Variants in GADL1 observed in about 807,000 individuals in gnomAD.
GADL1 encodes the protein acidic amino acid decarboxylase GADL1.
In GADL1, 71 loss-of-function variants were observed where a neutral mutation model predicts 69.5. The observed-to-expected ratio is 1.02, with a 90% CI of 0.84 to 1.25. The LOEUF (loss-of-function observed/expected upper bound fraction) is 1.25. Among genes scored for constraint, GADL1 ranks in the 50% most tolerant of loss-of-function variants. The pLI is 0.00. For synonymous variants in GADL1, 254 were observed against 214.4 expected, an observed-to-expected ratio of 1.18 and a Z score of -1.62; for missense variants, 737 against 631.8, an observed-to-expected ratio of 1.17 and a Z score of -1.79.
At position 30,752,848 on chromosome 3, in the gene GADL1, A is replaced by G. The variant is rs116310804; in HGVS notation, c.1393-24433T>C. ...GTTTTCTATTTAAGTTAACAAGATA[A>G]TTAAGTTCTCAAATAACTAAAAGTG... On this transcript the variant is annotated intron_variant, in intron 14 of 14. Coordinates refer to ENST00000282538, the MANE Select transcript of GADL1 (RefSeq NM_207359.3). Among the ~76,000 whole-genome samples, 754 of 93,458 alleles carry G rather than the reference A, an allele frequency of 8.1e-3. 6 individuals carry two copies. Among genetic ancestry groups the G allele is most frequent in the African/African-American group, 0.021 (716 of 33,738 alleles). The allele number at this position is 93,458 out of a possible 152,430, so 61.3% of individuals were successfully genotyped here.
chr3:30,796,406 A>G (rs1369310178), intron 12 of GADL1, among the ~76,000 whole-genome samples: 1 of 152,176 alleles, frequency 6.6e-6, no homozygotes, highest in Non-Finnish European at 1.5e-5. Flanking sequence ...ATCAGTACAC[A>G]TTCTATAAGA....
intron 1 of GADL1, among the ~76,000 whole-genome samples, chr3:30,888,594 G>A (rs937244253): frequency 9.2e-5 from 14 of 152,048 alleles, no homozygotes; most frequent in Non-Finnish European, 8.8e-5. Context: ...CAAGTGGGAC[G>A]CAATAGGGGT....
intron 11 of GADL1, 69 bp from the exon 12 acceptor site, chr3:30,801,157 T>C (rs111941978): frequency 8.7e-7 from 1 of 1,154,656 alleles, no homozygotes; most frequent in Non-Finnish European, 1.3e-6. Flanking sequence ...AGCAAACACA[T>C]GTACACACAC....
chr3:30,750,646 C>CTT (rs5847629), intron 14 of GADL1, among the ~76,000 whole-genome samples: 1 of 150,998 alleles, frequency 6.6e-6, no homozygotes. Context: ...CTTGCAGCCA[C>CTT]TTTTTTTTTT....
At chr3:30,784,729 C>A (rs1015096627) in intron 13 of GADL1, among the ~76,000 whole-genome samples, 5 of 152,206 alleles carry the variant, frequency 3.3e-5, no homozygotes, top group African/African-American at 1.2e-4. Flanking sequence ...CTTCTCATGA[C>A]ATCAAGAATA....
chr3:30,745,632 T>C (rs1431353633), intron 14 of GADL1, among the ~76,000 whole-genome samples: 1 of 152,232 alleles, frequency 6.6e-6, no homozygotes, highest in East Asian at 1.9e-4. Flanking sequence ...AATATGTTGC[T>C]CTGTGTTCTG....
intron 6 of GADL1, among the ~76,000 whole-genome samples, chr3:30,849,355 T>G (rs187918191): frequency 4.6e-5 from 7 of 152,294 alleles, no homozygotes; most frequent in Admixed American, 3.3e-4. Context: ...TAAACTTATT[T>G]TTACAAATTT....
chr3:30,886,027 A>T (rs896867303), intron 1 of GADL1, among the ~76,000 whole-genome samples: 1 of 152,186 alleles, frequency 6.6e-6, no homozygotes, highest in African/African-American at 2.4e-5. Context: ...GATTAGCAAT[A>T]AATTTGAAAA....
chr3:30,833,934 C>T lies in GADL1; in HGVS notation c.969G>A (p.Arg323=). 6.2e-7 allele frequency: 1 copy of T among 1,610,828 alleles called. No homozygotes were observed. Residue 323 remains arginine, a splice_region_variant and synonymous_variant, in exon 11 of 15, where the codon AGG becomes AGA. Coordinates refer to ENST00000282538, the MANE Select transcript of GADL1 (RefSeq NM_207359.3). ...GTGGGTTCCAGGCCACAGAGTCAGC[C>T]CTATTGTTTAAACAAAGGGACAGAG... ...KHRKLLHGIH[R]ADSVAWNPHK...
chr3:30,800,674 T>A, intron 12 of GADL1: 1 of 569,636 alleles, frequency 1.8e-6, no homozygotes, highest in Non-Finnish European at 3.1e-6. Flanking sequence ...GACTGCTCTG[T>A]TCATAATTCC....
intron 1 of GADL1, among the ~76,000 whole-genome samples, chr3:30,864,680 T>C (rs1559364546): frequency 6.6e-6 from 1 of 151,972 alleles, no homozygotes; most frequent in South Asian, 2.1e-4. Flanking sequence ...GGTCAAGCTG[T>C]GGTCTCCTGA....
intron 11 of GADL1, among the ~76,000 whole-genome samples, chr3:30,828,721 A>G (rs1473109857): frequency 3.9e-5 from 6 of 151,930 alleles, no homozygotes; most frequent in African/African-American, 1.4e-4. Context: ...TGCCTATCAA[A>G]TTGACAAAAC....
At position 30,894,579 on chromosome 3, in the gene GADL1, G is replaced by A; in HGVS notation, c.36C>T (p.Asp12=). Residue 12 remains aspartate (D), a splice_region_variant and synonymous_variant, in exon 1 of 15, where the codon GAC becomes GAT. Coordinates refer to ENST00000282538, the MANE Select transcript of GADL1 (RefSeq NM_207359.3). ...SSDSDRQCPV[D]GDIDQQEMIP... is the part of the protein sequence containing the mutation. ...ACCGCAGCCGCGCTGAGTCGTTACC[G>A]TCCACAGGACACTGGCGGTCCGAGT... 1.3e-6 allele frequency: 2 copies of A among 1,550,326 alleles called. No homozygotes were observed. Among genetic ancestry groups the A allele is most frequent in the African/African-American group, 1.4e-5 (1 of 73,074 alleles).
At position 30,820,623 on chromosome 3, in the gene GADL1, A is replaced by G. The variant is rs555829230; in HGVS notation, c.1050+13230T>C. ...CCTAGCAAAACATGCAGGATCCTCT[A>G]TTAGAAAAGCCATTGATGGGGTTGT... On this transcript the variant is annotated intron_variant, in intron 11 of 14. Transcript: ENST00000282538. Among the ~76,000 whole-genome samples the G allele has an allele frequency of 1.1e-4, 17 of 152,296 alleles. 1 individual carries two copies. The South Asian group carries it at 2.3e-3, about 20-fold the overall frequency.
At chr3:30,853,960 T>C (rs1310565954) in intron 4 of GADL1, among the ~76,000 whole-genome samples, 1 of 152,084 alleles carries the variant, frequency 6.6e-6, no homozygotes, top group Non-Finnish European at 1.5e-5. Context: ...GAAAGACTCA[T>C]AAACATGGTC....
intron 8 of GADL1, among the ~76,000 whole-genome samples, chr3:30,839,411 T>G (rs765791381): frequency 2.0e-5 from 3 of 151,530 alleles, no homozygotes; most frequent in Admixed American, 6.6e-5. Context: ...AGATAGAAAT[T>G]TAATAACTTC....
chr3:30,812,167 T>C (rs1697370386), intron 11 of GADL1, among the ~76,000 whole-genome samples: 1 of 152,192 alleles, frequency 6.6e-6, no homozygotes, highest in Non-Finnish European at 1.5e-5. Context: ...AAAGAGAATG[T>C]GGGTTACATG....
chr3:30,860,915 G>C (rs1044639709), intron 2 of GADL1, among the ~76,000 whole-genome samples: 1 of 151,958 alleles, frequency 6.6e-6, no homozygotes, highest in Non-Finnish European at 1.5e-5. Context: ...TAAAATGGGG[G>C]TAATAGTATC....
chr3:30,780,030 C>A lies in GADL1; in HGVS notation c.1303-1762G>T, dbSNP rs189315869. On this transcript the variant is annotated intron_variant, in intron 13 of 14. Coordinates refer to ENST00000282538, the MANE Select transcript of GADL1 (RefSeq NM_207359.3). The stretch of plus-strand genomic sequence containing the variant: ...CCACCCATCTACCCCAGTAGCTTCC[C>A]CCAGTACACCCCTTTCAGGTGGCAT... Among the ~76,000 whole-genome samples, 289 of 152,264 alleles carry A rather than the reference C, an allele frequency of 1.9e-3. 1 individual carries two copies. The highest frequency in any genetic ancestry group is 6.6e-3 in the African/African-American group (275 of 41,536).
Sources: gnomAD v4.1 joint callset for allele counts (sites outside exome capture counted in the v4.1 genomes callset) on GRCh38, gnomAD v4.1.1 for gene constraint, MANE v1.5 for transcripts, NCBI Gene and HGNC (gene_info 2026-07-23, HGNC 2026-07-21) for gene names.